GLOD4: variants seen among roughly 807,000 people sequenced by gnomAD.
GLOD4 encodes the protein glyoxalase domain-containing protein 4.
A neutral mutation model predicts 39.1 loss-of-function variants in GLOD4; 44 were observed. The observed-to-expected ratio is 1.13, with a 90% confidence interval of 0.88 to 1.45. The LOEUF is 1.45. Among genes scored for constraint, GLOD4 ranks in the 40% most tolerant of loss-of-function variants. The pLI is 0.00. For synonymous variants in GLOD4, 145 were observed against 135.0 expected (o/e 1.07, Z -0.52); for missense variants, 405 against 366.4 (o/e 1.11, Z -0.86).
chr17:776,960 T>C lies in GLOD4; in HGVS notation c.169A>G (p.Met57Val), dbSNP rs371359904. The C allele has an allele frequency of 2.1e-5, 34 of 1,606,156 alleles. No individual in the cohort carries two copies. Among genetic ancestry groups the C allele is most frequent in the Admixed American group, 6.7e-5 (4 of 60,004 alleles). Reference protein sequence around the residue: ...GPYDGKWSKTMVGFGPEDDHF... With the variant: ...GPYDGKWSKTVVGFGPEDDHF... Reference sequence around the variant, plus strand: ...TCATCCTCAGGCCCAAATCCCACCATTGTTTTACTCCATTTCCCATCATAA... The same window carrying C: ...TCATCCTCAGGCCCAAATCCCACCACTGTTTTACTCCATTTCCCATCATAA... Residue 57 changes from methionine (M) to valine (V), a missense_variant, in exon 3 of 9, where the codon ATG (methionine) becomes GTG (valine). Transcript: ENST00000301329.
In GLOD4 at chr17:782,256, G is replaced by C. The variant is rs763065954; in HGVS notation, c.-1C>G. On this transcript the variant is annotated 5_prime_UTR_variant, in exon 1 of 9. It adds an upstream start codon to the 5' untranslated region. Coordinates refer to ENST00000301329, the MANE Select transcript of GLOD4 (RefSeq NM_016080.4). ...AGTGCAGAGCTCTGCGAGCAGCCAT[G>C]ATTCCCGCCGCACGCAGCCGTCACG... 1.9e-6 allele frequency: 3 copies of C among 1,613,364 alleles called. No homozygotes were observed. Among genetic ancestry groups the C allele is most frequent in the Non-Finnish European group, 2.5e-6 (3 of 1,179,692 alleles).
intron 2 of GLOD4, chr17:778,374 A>G (rs1909305857): frequency 4.5e-6 from 2 of 439,694 alleles, no homozygotes; most frequent in Middle Eastern, 1.1e-3. Flanking sequence ...AATCAATTAA[A>G]TAACAGGACA....
At chr17:780,546 C>G (rs955166535) in intron 1 of GLOD4, 1 of 152,164 alleles carries the variant, frequency 6.6e-6, no homozygotes. Flanking sequence ...AACTCGAATC[C>G]TGGCTAACAC....
intron 8 of GLOD4, among the ~76,000 whole-genome samples, chr17:766,412 A>G (rs1173632088): frequency 2.0e-5 from 3 of 150,740 alleles, no homozygotes; most frequent in East Asian, 2.0e-4. Context: ...CCTGGCCAAC[A>G]TGGTGAAGCC....
At chr17:782,865 T>G (rs562813428), upstream of GLOD4, among the ~76,000 whole-genome samples, 118 of 152,326 alleles carry the variant, frequency 7.7e-4, no homozygotes, top group Non-Finnish European at 1.1e-3. Flanking sequence ...TCCTTAGCTC[T>G]TTGTTGTTGT....
chr17:779,823 C>T (rs1434428004), intron 1 of GLOD4, among the ~76,000 whole-genome samples: 1 of 152,128 alleles, frequency 6.6e-6, no homozygotes, highest in East Asian at 1.9e-4. Context: ...TTGATTCCCA[C>T]GGCTCCTGCC....
At chr17:773,541 G>A (rs1228114545) in intron 4 of GLOD4, among the ~76,000 whole-genome samples, 2 of 151,850 alleles carry the variant, frequency 1.3e-5, no homozygotes, top group Admixed American at 6.6e-5. Context: ...TTCTCTGCTT[G>A]TCTAAGGAAA....
At chr17:783,221 C>T (rs752041872), upstream of GLOD4, 2 of 1,614,078 alleles carry the variant, frequency 1.2e-6, no homozygotes, top group Admixed American at 1.7e-5. Flanking sequence ...GTCTAGAATA[C>T]CTAAAGGAGT....
upstream of GLOD4, chr17:782,572 CCA>C: frequency 1.2e-6 from 2 of 1,614,084 alleles, no homozygotes; most frequent in Non-Finnish European, 8.5e-7. Flanking sequence ...CCATCTGAGG[CCA>C]GTGCCCAGGA....
chr17:777,412 CGGGA>C (rs1909145760), intron 2 of GLOD4: 1 of 163,184 alleles, frequency 6.1e-6, no homozygotes, highest in Admixed American at 5.8e-5. Flanking sequence ...GAGGCCGAGG[CGGGA>C]GGATCACCTG....
chr17:782,693 G>A, upstream of GLOD4: 3 of 1,596,302 alleles, frequency 1.9e-6, no homozygotes, highest in Non-Finnish European at 8.6e-7. Flanking sequence ...GGAGGCTGAG[G>A]TGATGTGGTT....
intron 4 of GLOD4, among the ~76,000 whole-genome samples, chr17:774,553 G>A (rs1908562712): frequency 6.6e-6 from 1 of 152,206 alleles, no homozygotes; most frequent in Admixed American, 6.5e-5. Flanking sequence ...CTTGTTCTGT[G>A]TGGCAGTCAG....
upstream of GLOD4, chr17:783,316 A>G (rs764941078): frequency 1.2e-6 from 2 of 1,612,384 alleles, no homozygotes; most frequent in Non-Finnish European, 1.7e-6. Flanking sequence ...GTAACGCCAC[A>G]AGGAATAATG....
At chr17:772,031 A>G (rs1256125173) in intron 4 of GLOD4, among the ~76,000 whole-genome samples, 1 of 149,164 alleles carries the variant, frequency 6.7e-6, no homozygotes, top group Non-Finnish European at 1.5e-5. Flanking sequence ...AAAAAAAAAA[A>G]AAAAAAGATT....
chr17:782,299 T>C (rs1330072595), upstream of GLOD4: 1 of 1,611,608 alleles, frequency 6.2e-7, no homozygotes, highest in Admixed American at 1.7e-5. Context: ...TACAGCCCAG[T>C]CCACGAAGGG....
chr17:778,606 A>G, intron 2 of GLOD4, 89 bp downstream of exon 2: 1 of 841,454 alleles, frequency 1.2e-6, no homozygotes, highest in Non-Finnish European at 2.1e-6. Flanking sequence ...AATTAATTCC[A>G]CTGCTTTATA....
At chr17:763,321 A>G (rs1217897390) in intron 8 of GLOD4, among the ~76,000 whole-genome samples, 6 of 152,144 alleles carry the variant, frequency 3.9e-5, no homozygotes, top group African/African-American at 1.4e-4. Context: ...CAGCCTAGCC[A>G]AAATGGTGAA....
chr17:782,984 G>A, upstream of GLOD4: 1 of 1,490,008 alleles, frequency 6.7e-7, no homozygotes, highest in African/African-American at 1.4e-5. Flanking sequence ...CACCGCGCCC[G>A]GCCCTCTCCG....
At chr17:779,115 G>A (rs1215577987) in intron 1 of GLOD4, among the ~76,000 whole-genome samples, 2 of 152,070 alleles carry the variant, frequency 1.3e-5, no homozygotes, top group Non-Finnish European at 1.5e-5. Context: ...AGGAGTTCAA[G>A]ATCAACCTGG....
Sources: allele counts gnomAD v4.1 joint callset (sites outside exome capture counted in the v4.1 genomes callset), GRCh38; gene constraint gnomAD v4.1.1; transcripts MANE v1.5; gene names NCBI Gene and HGNC (gene_info 2026-07-23, HGNC 2026-07-21).